The following KDM5A variants were observed in gnomAD, a reference collection of about 807,000 sequenced individuals.
The protein encoded by KDM5A is lysine-specific demethylase 5A.
A neutral mutation model predicts 193.5 loss-of-function variants in KDM5A; 42 were observed. The observed-to-expected ratio is 0.22, with a 90% CI of 0.17 to 0.28. KDM5A has a LOEUF of 0.28. KDM5A is among the 10% of genes least tolerant of loss of function. KDM5A has a pLI of 1.00. For missense variants in KDM5A, 1,692 were observed against 2,055.1 expected (o/e 0.82, Z 3.42); for synonymous variants, 796 against 718.1 (o/e 1.11, Z -1.73).
At chr12:362,343 T>A (rs1349685829) in intron 5 of KDM5A, among the ~76,000 whole-genome samples, 1 of 151,888 alleles carries the variant, frequency 6.6e-6, no homozygotes, top group East Asian at 1.9e-4. Context: ...AAGGGGGGAA[T>A]CAGACAAAAA....
At chr12:335,011 G>A (rs565117511) in intron 10 of KDM5A, among the ~76,000 whole-genome samples, 2 of 150,834 alleles carry the variant, frequency 1.3e-5, no homozygotes, top group East Asian at 2.0e-4. Context: ...TAGAAATACC[G>A]GATAAATTAT....
chr12:378,137 A>G (rs1944529955), intron 3 of KDM5A, among the ~76,000 whole-genome samples: 1 of 152,236 alleles, frequency 6.6e-6, no homozygotes, highest in Non-Finnish European at 1.5e-5. Flanking sequence ...AGAAATGAAG[A>G]AACAGCAATA....
At chr12:380,833 T>C (rs1944564330) in intron 3 of KDM5A, among the ~76,000 whole-genome samples, 2 of 152,136 alleles carry the variant, frequency 1.3e-5, no homozygotes, top group Non-Finnish European at 2.9e-5. Context: ...TTCACTCTTG[T>C]TGCCCAGGCT....
rs2137507827 is a variant in KDM5A at position 388,997 on chromosome 12, G to A, written c.95C>T (p.Pro32Leu). Residue 32 changes from proline (P) to leucine (L), a missense_variant, in exon 1 of 28, where the codon CCG (proline) becomes CTG (leucine). Pro to Leu is a moderately conservative substitution (Grantham distance 98). Coordinates refer to ENST00000399788, the MANE Select transcript of KDM5A (RefSeq NM_001042603.3). The stretch of plus-strand genomic sequence containing the variant: ...CCGGATGCGGCCGATAAAGCTGAGC[G>A]GATCTGTGAACTCCTCCCAACTCGG... ...FEPSWEEFTD[P>L]LSFIGRIRPL... The A allele has an allele frequency of 6.2e-7, 1 of 1,614,128 alleles. No individual in the cohort carries two copies. Among genetic ancestry groups the A allele is most frequent in the Non-Finnish European group, 8.5e-7 (1 of 1,180,016 alleles).
At chr12:295,328 G>T (rs1199836532) in intron 26 of KDM5A, among the ~76,000 whole-genome samples, 1 of 151,156 alleles carries the variant, frequency 6.6e-6, no homozygotes, top group Non-Finnish European at 1.5e-5. Flanking sequence ...GAAAGAAAAA[G>T]AAAAAGAGAA....
At chr12:374,370 T>C (rs557961249) in intron 3 of KDM5A, among the ~76,000 whole-genome samples, 74 of 152,330 alleles carry the variant, frequency 4.9e-4, no homozygotes, top group Admixed American at 1.9e-3. Flanking sequence ...GTTTAAAATC[T>C]GTTTTATCAG....
At chr12:387,687 C>T (rs1315816578) in intron 1 of KDM5A, among the ~76,000 whole-genome samples, 2 of 152,190 alleles carry the variant, frequency 1.3e-5, no homozygotes, top group African/African-American at 2.4e-5. Flanking sequence ...CAAGATCACA[C>T]ATTTGGTGTT....
At chr12:322,356 T>G in intron 17 of KDM5A, 61 bp downstream of exon 17, 2 of 1,540,972 alleles carry the variant, frequency 1.3e-6, no homozygotes, top group Non-Finnish European at 1.8e-6. Context: ...GGATAAAATT[T>G]TGGTTTTTAC....
chr12:322,348 A>T, intron 17 of KDM5A, 69 bp downstream of exon 17: 1 of 1,470,730 alleles, frequency 6.8e-7, no homozygotes, highest in Non-Finnish European at 9.4e-7. Flanking sequence ...CACAGGCCGG[A>T]TAAAATTTTG....
intron 27 of KDM5A, among the ~76,000 whole-genome samples, chr12:289,440 A>G (rs527809145): frequency 1.8e-4 from 27 of 152,250 alleles, no homozygotes; most frequent in African/African-American, 5.8e-4. Flanking sequence ...TTATTTTTTC[A>G]AAATCTTTTA....
chr12:326,864 CAAAAAAAAAAAAAA>C (rs61571425), intron 14 of KDM5A, among the ~76,000 whole-genome samples: 1 of 85,994 alleles, frequency 1.2e-5, no homozygotes, highest in Non-Finnish European at 2.2e-5. Context: ...GACTCTGTCT[CAAAAAAAAAAAAAA>C]AAAAAAAAAA....
At chr12:340,713 A>C (rs894447344) in intron 10 of KDM5A, among the ~76,000 whole-genome samples, 5 of 151,522 alleles carry the variant, frequency 3.3e-5, no homozygotes, top group Non-Finnish European at 7.4e-5. Context: ...AAAAAAAAAA[A>C]AAAAAACCAT....
At chr12:366,249 T>C (rs1241593742) in intron 3 of KDM5A, 145 bp from the exon 4 acceptor site, 7 of 699,042 alleles carry the variant, frequency 1.0e-5, no homozygotes, top group Non-Finnish European at 1.7e-5. Flanking sequence ...CTGACACTTG[T>C]CAACATTTAG....
At chr12:361,763 C>T (rs1944296983) in intron 5 of KDM5A, among the ~76,000 whole-genome samples, 1 of 152,222 alleles carries the variant, frequency 6.6e-6, no homozygotes, top group African/African-American at 2.4e-5. Context: ...CCAGAGTTTA[C>T]TAATTCATAA....
At chr12:349,608 G>A (rs1032213823) in intron 10 of KDM5A, among the ~76,000 whole-genome samples, 7 of 151,208 alleles carry the variant, frequency 4.6e-5, no homozygotes, top group African/African-American at 7.3e-5. Context: ...GATTACAGGC[G>A]TGAGCCACCA....
intron 3 of KDM5A, among the ~76,000 whole-genome samples, chr12:382,855 C>G (rs560338693): frequency 2.0e-5 from 3 of 152,056 alleles, no homozygotes; most frequent in Non-Finnish European, 4.4e-5. Context: ...TTGCTTGACC[C>G]TGGGAGGCAG....
At chr12:336,190 C>G (rs1943930848) in intron 10 of KDM5A, among the ~76,000 whole-genome samples, 1 of 151,566 alleles carries the variant, frequency 6.6e-6, no homozygotes, top group African/African-American at 2.4e-5. Flanking sequence ...GGGACCCCAT[C>G]TCTACAAAAA....
Position 389,296 on chromosome 12 carries a change from CT to C in KDM5A, c.-206del. ...AAGGCTTTTCCACTGAGGTTCAGGA[CT>C]TTTCCGGAAGTTACCGTGCTGTCAA... On this transcript the variant is annotated 5_prime_UTR_variant, in exon 1 of 28. Transcript: ENST00000399788. The C allele has an allele frequency of 2.9e-6, 2 of 697,202 alleles. No homozygotes were observed. Among genetic ancestry groups the C allele is most frequent in the Non-Finnish European group, 5.2e-6 (2 of 384,578 alleles). 43.2% of individuals were successfully genotyped at this position (697,202 alleles called of 1,614,324 possible). A position where few individuals can be genotyped will look rare whatever the true frequency, so the allele number is the denominator to read the frequency against.
intron 10 of KDM5A, among the ~76,000 whole-genome samples, chr12:341,250 G>A (rs764029031): frequency 8.5e-5 from 13 of 152,122 alleles, no homozygotes; most frequent in Non-Finnish European, 1.6e-4. Flanking sequence ...CATTCAGGCT[G>A]ATACATTTCT....
Sources: allele counts gnomAD v4.1 joint callset (sites outside exome capture counted in the v4.1 genomes callset), GRCh38; gene constraint gnomAD v4.1.1; transcripts MANE v1.5; gene names NCBI Gene and HGNC (gene_info 2026-07-23, HGNC 2026-07-21).